Variants in RYR2 observed in about 807,000 individuals in gnomAD.
RYR2 encodes ryanodine receptor 2.
RYR2 carries 227 observed loss-of-function variants against 601.1 expected under a neutral mutation model. The ratio of observed to expected loss-of-function variants is 0.38; its 90% confidence interval spans 0.34 to 0.42. The LOEUF is 0.42. Among genes scored for constraint, RYR2 ranks in the 10% least tolerant of loss-of-function variants. RYR2 has a pLI of 1.00. For missense variants in RYR2, 4,646 were observed against 6,156.5 expected (o/e 0.75, Z 8.21); for synonymous variants, 2,223 against 2,175.1 (o/e 1.02, Z -0.61).
intron 15 of RYR2, among the ~76,000 whole-genome samples, chr1:237,455,510 C>G (rs879519699): frequency 6.6e-6 from 1 of 152,016 alleles, no homozygotes; most frequent in Non-Finnish European, 1.5e-5. Context: ...ATACTTCAAA[C>G]CCCAGTGACA....
At chr1:237,515,558 G>A (rs1216640061) in intron 24 of RYR2, among the ~76,000 whole-genome samples, 1 of 151,906 alleles carries the variant, frequency 6.6e-6, no homozygotes, top group Non-Finnish European at 1.5e-5. Flanking sequence ...GGGGAGAGGT[G>A]GAATTTTTGT....
chr1:237,524,116 A>C (rs1667349942), intron 24 of RYR2, among the ~76,000 whole-genome samples: 1 of 152,242 alleles, frequency 6.6e-6, no homozygotes, highest in Non-Finnish European at 1.5e-5. Context: ...GTAAATGTTC[A>C]CAGAAGCATT....
intron 1 of RYR2, among the ~76,000 whole-genome samples, chr1:237,096,199 C>A (rs1237769561): frequency 6.6e-6 from 1 of 152,060 alleles, no homozygotes; most frequent in East Asian, 1.9e-4. Context: ...TAAGCAATGC[C>A]CTATTTCAAA....
chr1:237,768,859 CT>C (rs1302792637), intron 84 of RYR2, among the ~76,000 whole-genome samples: 1 of 152,200 alleles, frequency 6.6e-6, no homozygotes, highest in Non-Finnish European at 1.5e-5. Flanking sequence ...CGTCCCCTCC[CT>C]AACCCCTCCC....
chr1:237,502,284 A>G (rs949045024), intron 21 of RYR2, among the ~76,000 whole-genome samples: 1 of 152,256 alleles, frequency 6.6e-6, no homozygotes, highest in Non-Finnish European at 1.5e-5. Flanking sequence ...AGATTAAAAT[A>G]GTTTTGCTTA....
At chr1:237,101,070 G>A (rs1295690098) in intron 1 of RYR2, among the ~76,000 whole-genome samples, 1 of 152,138 alleles carries the variant, frequency 6.6e-6, no homozygotes, top group Admixed American at 6.5e-5. Flanking sequence ...TCAAGGTTCA[G>A]AGGCTTCCCT....
In RYR2 at chr1:237,614,482, A is replaced by C; in HGVS notation, c.5354A>C (p.Asp1785Ala). Reference protein sequence around the residue: ...CYQYSPEFPLDILKSKTIQML... With the variant: ...CYQYSPEFPLAILKSKTIQML... ...CAGTACAGTCCAGAGTTCCCACTGGACATCCTCAAGTCCAAAACCATACAG... is the reference window on the plus strand; with the variant it reads ...CAGTACAGTCCAGAGTTCCCACTGGCCATCCTCAAGTCCAAAACCATACAG... Residue 1785 changes from aspartate to alanine, a missense_variant, in exon 37 of 105, where the codon GAC becomes GCC. Around this residue, in one of 17 missense-constraint regions of RYR2, gnomAD observed 1,807 missense variants for 2,088.1 expected, o/e 0.87. Coordinates refer to ENST00000366574, the MANE Select transcript of RYR2 (RefSeq NM_001035.3). The surrounding 1 kb of genome is among the most constrained non-coding windows in gnomAD (Gnocchi z 4.3). The C allele has an allele frequency of 1.2e-6, 2 of 1,614,036 alleles. No homozygotes were observed. The highest frequency in any genetic ancestry group is 1.7e-6 in the Non-Finnish European group (2 of 1,179,904).
chr1:237,670,266 G>C (rs187104142), intron 58 of RYR2, among the ~76,000 whole-genome samples: 2,427 of 149,924 alleles, frequency 0.016, 53 homozygotes, highest in African/African-American at 0.057. Flanking sequence ...CTCGGCATCA[G>C]AGGGAGACCG....
At chr1:237,801,833 A>ATTTTTT in intron 97 of RYR2, 23 bp from the exon 98 acceptor site, 1 of 1,365,682 alleles carries the variant, frequency 7.3e-7, no homozygotes, top group South Asian at 1.3e-5. Flanking sequence ...ATAACTACGC[A>ATTTTTT]TTTTTTTTTT....
At chr1:237,342,313 AT>A (rs201847873) in intron 3 of RYR2, among the ~76,000 whole-genome samples, 614 of 130,224 alleles carry the variant, frequency 4.7e-3, no homozygotes, top group African/African-American at 7.4e-3. Flanking sequence ...TGGCTAATTA[AT>A]TTTTTTTTTT....
At chr1:237,591,980 A>G in intron 32 of RYR2, 127 bp downstream of exon 32, 2 of 765,920 alleles carry the variant, frequency 2.6e-6, no homozygotes, top group Non-Finnish European at 4.1e-6. Context: ...CTGTTTTTGG[A>G]TATATTTTGG....
At chr1:237,646,254 T>C (rs1408866444) in intron 48 of RYR2, among the ~76,000 whole-genome samples, 1 of 151,084 alleles carries the variant, frequency 6.6e-6, no homozygotes, top group Non-Finnish European at 1.5e-5. Context: ...GGCAGGAGAA[T>C]CACTTGAACC....
At chr1:237,432,073 A>G (rs1351597551) in intron 12 of RYR2, among the ~76,000 whole-genome samples, 1 of 151,278 alleles carries the variant, frequency 6.6e-6, no homozygotes, top group African/African-American at 2.4e-5. Flanking sequence ...AACAAATGCC[A>G]CAGTAAGCAA....
intron 1 of RYR2, among the ~76,000 whole-genome samples, chr1:237,185,768 G>A (rs140348270): frequency 9.7e-4 from 148 of 152,246 alleles, no homozygotes; most frequent in Admixed American, 5.6e-3. Context: ...CTCTGGGGCC[G>A]TTAGACTTTT....
In RYR2 at chr1:237,590,762, C is replaced by T. The variant is rs764454542; in HGVS notation, c.3930C>T (p.Cys1310=). The change falls in exon 31 of 105, where the codon TGC becomes TGT. Residue 1310 remains cysteine, a synonymous_variant. Coordinates refer to ENST00000366574, the MANE Select transcript of RYR2 (RefSeq NM_001035.3). Reference sequence around the variant, plus strand: ...ATCGCCTGAGCATGCCGATCGAGTGCGCGGAGGTCTTCTCCAAGACGGTGG... The same window carrying T: ...ATCGCCTGAGCATGCCGATCGAGTGTGCGGAGGTCTTCTCCAAGACGGTGG... ...MFYRLSMPIE[C]AEVFSKTVAG... 26 of 1,613,758 alleles carry T rather than the reference C, an allele frequency of 1.6e-5. No individual in the cohort carries two copies. Among genetic ancestry groups the T allele is most frequent in the South Asian group, 9.9e-5 (9 of 91,074 alleles).
chr1:237,818,915 T>C (rs1021717975), intron 100 of RYR2, 121 bp from the exon 101 acceptor site: 2 of 830,954 alleles, frequency 2.4e-6, no homozygotes, highest in African/African-American at 1.7e-5. Context: ...AGAGGCAATA[T>C]AGAATGCAAA....
At chr1:237,288,849 T>C (rs1691875105) in intron 2 of RYR2, among the ~76,000 whole-genome samples, 1 of 152,062 alleles carries the variant, frequency 6.6e-6, no homozygotes, top group African/African-American at 2.4e-5. Context: ...CCCATTCAAA[T>C]TGTTACAAAG....
Position 237,784,705 on chromosome 1 carries a change from A to G in RYR2, c.12993A>G (p.Leu4331=). 6.2e-7 allele frequency: 1 copy of G among 1,608,914 alleles called. No homozygotes were observed. The highest frequency in any genetic ancestry group is 8.5e-7 in the Non-Finnish European group (1 of 1,176,744). The change falls in exon 90 of 105, where the codon TTA becomes TTG. Residue 4331 remains leucine (L), a synonymous_variant. Transcript: ENST00000366574. The surrounding 1 kb of genome is among the most constrained non-coding windows in gnomAD (Gnocchi z 7.1). ...GAKKIKVAEL[L]ANMPDPTQDE... ...AAAAGATCAAAGTTGCAGAACTGTT[A>G]GCCAACATGCCAGACCCCACTCAGG...
rs1686497568 is a variant in RYR2 at position 237,687,363 on chromosome 1, CTTCTTT to C, written c.9018-89_9018-84del. 1.6e-4 allele frequency: 73 copies of C among 452,794 alleles called. 1 individual carries two copies. The highest frequency in any genetic ancestry group is 2.0e-4 in the Non-Finnish European group (58 of 284,814). 28.0% of individuals were successfully genotyped at this position (452,794 alleles called of 1,614,324 possible). The stretch of plus-strand genomic sequence containing the variant: ...CAGCTGTTTTTTTTTCTTTTTTCTT[CTTCTTT>C]TTTTTTTTTTTTTTTAATTTCCCCC... On this transcript the variant is annotated intron_variant, in intron 62 of 104. Coordinates refer to ENST00000366574, the MANE Select transcript of RYR2 (RefSeq NM_001035.3).
Sources: allele counts gnomAD v4.1 joint callset (sites outside exome capture counted in the v4.1 genomes callset), GRCh38; gene constraint gnomAD v4.1.1; regional missense constraint gnomAD v4.1.1; non-coding constraint Gnocchi (gnomAD v3.1); transcripts MANE v1.5; gene names NCBI Gene and HGNC (gene_info 2026-07-23, HGNC 2026-07-21).